Variants in KATNAL2 observed in about 807,000 individuals in gnomAD.
The protein encoded by KATNAL2 is katanin p60 ATPase-containing subunit A-like 2.
KATNAL2 carries 52 observed loss-of-function variants against 76.3 expected under a neutral mutation model. The ratio of observed to expected loss-of-function variants is 0.68; its 90% CI spans 0.55 to 0.86. The LOEUF is 0.86. Among genes scored for constraint, KATNAL2 ranks in the 40% least tolerant of loss-of-function variants. KATNAL2 has a pLI of 0.00. For synonymous variants in KATNAL2, 243 were observed against 244.2 expected, an observed-to-expected ratio of 1.00 and a Z score of 0.05; for missense variants, 660 against 668.9, an observed-to-expected ratio of 0.99 and a Z score of 0.15.
Position 47,061,125 on chromosome 18 carries a change from G to A in KATNAL2, c.549+1471G>A, listed in dbSNP as rs191141665. On this transcript the variant is annotated intron_variant, in intron 8 of 17. Coordinates refer to ENST00000683218, the MANE Select transcript of KATNAL2 (RefSeq NM_001387690.1). ...TAGGTTGTATGAGGGTATATGGCCT[G>A]GGGCCAATCTCAGAAAACCCCAGGT... 1.6e-3 allele frequency among the ~76,000 whole-genome samples: 250 copies of A among 152,334 alleles called. 2 individuals are homozygous for A. The highest frequency in any genetic ancestry group is 1.5e-3 in the Admixed American group (23 of 15,302).
chr18:46,942,033 G>T (rs2059260743), intron 1 of KATNAL2, among the ~76,000 whole-genome samples: 1 of 152,148 alleles, frequency 6.6e-6, no homozygotes, highest in South Asian at 2.1e-4. Flanking sequence ...GCTTTGGCGG[G>T]AGTCAGGGCA....
At chr18:47,047,675 C>T (rs1176021287) in intron 4 of KATNAL2, among the ~76,000 whole-genome samples, 1 of 152,134 alleles carries the variant, frequency 6.6e-6, no homozygotes, top group Non-Finnish European at 1.5e-5. Flanking sequence ...TTTCAAATTT[C>T]AGCCAGGAAG....
intron 1 of KATNAL2, among the ~76,000 whole-genome samples, chr18:46,921,215 C>T (rs953643159): frequency 2.0e-5 from 3 of 152,182 alleles, no homozygotes; most frequent in East Asian, 1.9e-4. Flanking sequence ...GCAACCTCTG[C>T]CCCCCCGAAT....
intron 3 of KATNAL2, among the ~76,000 whole-genome samples, chr18:47,031,644 A>G (rs2060455328): frequency 6.6e-6 from 1 of 152,130 alleles, no homozygotes; most frequent in Non-Finnish European, 1.5e-5. Context: ...CAGAGCTAGA[A>G]TGAGGATTAT....
intron 1 of KATNAL2, among the ~76,000 whole-genome samples, chr18:46,942,107 T>C (rs1413576563): frequency 6.6e-6 from 1 of 152,176 alleles, no homozygotes; most frequent in Non-Finnish European, 1.5e-5. Flanking sequence ...GGTTGCTCTA[T>C]GAGGAAGTTA....
At chr18:46,920,151 A>G (rs1453366087) in intron 1 of KATNAL2, 1 of 1,127,752 alleles carries the variant, frequency 8.9e-7, no homozygotes, top group African/African-American at 1.6e-5. Context: ...GTTTGACTGC[A>G]AAGAGTTCTA....
intron 15 of KATNAL2, among the ~76,000 whole-genome samples, chr18:47,078,065 G>T (rs2062324630): frequency 6.6e-6 from 1 of 152,126 alleles, no homozygotes; most frequent in Non-Finnish European, 1.5e-5. Context: ...GCCCTTTATA[G>T]TTCTGAGAAT....
intron 3 of KATNAL2, chr18:47,033,383 A>G (rs1368641731): frequency 1.2e-6 from 2 of 1,614,110 alleles, no homozygotes; most frequent in Non-Finnish European, 1.7e-6. Context: ...CCACGTGCAG[A>G]TCGGATATTC....
intron 8 of KATNAL2, among the ~76,000 whole-genome samples, chr18:47,061,319 G>T (rs901428256): frequency 6.6e-6 from 1 of 152,176 alleles, no homozygotes; most frequent in African/African-American, 2.4e-5. Context: ...TACTCATGGC[G>T]GAAGGCAAGG....
At position 47,067,265 on chromosome 18, in the gene KATNAL2, C is replaced by A. The variant is rs535678866; in HGVS notation, c.825+146C>A. 1.2e-3 allele frequency: 496 copies of A among 427,766 alleles called. 2 individuals carry two copies. The highest frequency in any genetic ancestry group is 7.2e-3 in the African/African-American group (366 of 50,886). The allele number at this position is 427,766 out of a possible 1,614,324, so 26.5% of individuals were successfully genotyped here. On this transcript the variant is annotated intron_variant, in intron 11 of 17. Transcript: ENST00000683218. Reference sequence around the variant, plus strand: ...GCTTGTGTCACAGCACTTTCTCAACCCTGGAGCACCAAAGCCTGGTCCATT... The same window carrying A: ...GCTTGTGTCACAGCACTTTCTCAACACTGGAGCACCAAAGCCTGGTCCATT...
In KATNAL2 at chr18:46,952,493, G is replaced by A. The variant is rs1195949750; in HGVS notation, c.51+5570G>A. Reference sequence around the variant, plus strand: ...CAGCTCACTGCAACCTCCGCCTCCCGGGTTCAAGCGATTCTCCTGTCTCAG... The same window carrying A: ...CAGCTCACTGCAACCTCCGCCTCCCAGGTTCAAGCGATTCTCCTGTCTCAG... On this transcript the variant is annotated intron_variant, in intron 3 of 17. Transcript: ENST00000683218. 3.5e-5 allele frequency among the ~76,000 whole-genome samples: 5 copies of A among 142,408 alleles called. 1 individual carries two copies. The highest frequency in any genetic ancestry group is 4.2e-4 in the East Asian group (2 of 4,722). The allele number at this position is 142,408 out of a possible 152,430, so 93.4% of individuals were successfully genotyped here.
intron 1 of KATNAL2, among the ~76,000 whole-genome samples, chr18:46,935,864 T>TGA (rs1333542579): frequency 3.9e-5 from 6 of 151,928 alleles, no homozygotes; most frequent in African/African-American, 1.2e-4. Context: ...TGCAGTGAGC[T>TGA]GAGATTGCAC....
chr18:47,031,435 G>T (rs1447226801), intron 3 of KATNAL2, among the ~76,000 whole-genome samples: 1 of 151,640 alleles, frequency 6.6e-6, no homozygotes, highest in Non-Finnish European at 1.5e-5. Flanking sequence ...TTTTGTGTGT[G>T]TTGTGGTGGG....
intron 14 of KATNAL2, among the ~76,000 whole-genome samples, chr18:47,075,775 C>G (rs1347406333): frequency 1.3e-5 from 2 of 152,236 alleles, no homozygotes; most frequent in African/African-American, 2.4e-5. Flanking sequence ...CACGTCTGTA[C>G]TTCACTCCTG....
At chr18:46,935,852 G>C (rs1279422165) in intron 1 of KATNAL2, among the ~76,000 whole-genome samples, 1 of 152,102 alleles carries the variant, frequency 6.6e-6, no homozygotes, top group Non-Finnish European at 1.5e-5. Context: ...GGAGGCAGAG[G>C]TTGCAGTGAG....
At chr18:47,084,847 TAAAAAAAA>T (rs34034453) in intron 15 of KATNAL2, among the ~76,000 whole-genome samples, 26 of 25,540 alleles carry the variant, frequency 1.0e-3, no homozygotes, top group African/African-American at 1.8e-3. Flanking sequence ...AGACTCTGTC[TAAAAAAAA>T]AAAAAAAAAA....
In KATNAL2 at chr18:47,099,412, TGCCCTGGAGAG is replaced by T. The variant is rs778018680; in HGVS notation, c.1374+9_1374+19del. On this transcript the variant is annotated splice_region_variant and intron_variant, in intron 16 of 17. Transcript: ENST00000683218. ...GTACAGTGTGCTGAGCCAGGTCAGC[TGCCCTGGAGAG>T]GGGCACATGTAGGTCAAGGGCCCAC... is the stretch of plus-strand genomic sequence containing the variant. 2 of 1,603,688 alleles carry T rather than the reference TGCCCTGGAGAG, an allele frequency of 1.2e-6. No homozygotes were observed. The highest frequency in any genetic ancestry group is 3.4e-5 in the Admixed American group (2 of 59,050).
chr18:47,054,477 G>C (rs760579331), intron 6 of KATNAL2, 39 bp downstream of exon 6: 1 of 1,596,224 alleles, frequency 6.3e-7, no homozygotes, highest in Non-Finnish European at 8.6e-7. Context: ...GACTCGGCTC[G>C]AGGAGCTTGT....
intron 1 of KATNAL2, among the ~76,000 whole-genome samples, chr18:46,922,188 C>T (rs1328620284): frequency 6.6e-6 from 1 of 151,534 alleles, no homozygotes; most frequent in Non-Finnish European, 1.5e-5. Context: ...GCAACCTTCA[C>T]CTCCCAGCTC....
Sources: gnomAD v4.1 joint callset for allele counts (sites outside exome capture counted in the v4.1 genomes callset) on GRCh38, gnomAD v4.1.1 for gene constraint, MANE v1.5 for transcripts, NCBI Gene and HGNC (gene_info 2026-07-23, HGNC 2026-07-21) for gene names.